The following SHISAL1 variants were observed in gnomAD, a reference collection of about 807,000 sequenced individuals.
SHISAL1 encodes the protein protein shisa-like-1.
A neutral mutation model predicts 22.6 loss-of-function variants in SHISAL1; 9 were observed. That is an observed-to-expected ratio of 0.40 (90% CI 0.24 to 0.70). The LOEUF (loss-of-function observed/expected upper bound fraction) is 0.70, where lower values mean the gene tolerates loss of function less well. Ranked by LOEUF, SHISAL1 falls within the 30% of genes least tolerant of loss-of-function variation. The pLI is 0.39. For synonymous variants in SHISAL1, 119 were observed against 115.4 expected (o/e 1.03, Z -0.20); for missense variants, 246 against 270.6 (o/e 0.91, Z 0.64).
intron 4 of SHISAL1, 134 bp from the exon 5 acceptor site, chr22:44,249,819 T>C: frequency 4.4e-6 from 3 of 685,466 alleles, no homozygotes; most frequent in Non-Finnish European, 8.1e-6. Flanking sequence ...TTGCGAACCA[T>C]GTGACTTTAA....
Position 44,248,140 on chromosome 22 carries a change from C to G in SHISAL1, c.*1545G>C, listed in dbSNP as rs2055019094. 6.6e-6 allele frequency: 1 copy of G among 152,282 alleles called. No individual in the cohort carries two copies. Among genetic ancestry groups the G allele is most frequent in the South Asian group, 2.1e-4 (1 of 4,828 alleles). The allele number at this position is 152,282 out of a possible 1,614,324, so 9.4% of individuals were successfully genotyped here. A position where few individuals can be genotyped will look rare whatever the true frequency, so the allele number is the denominator to read the frequency against. ...CTGGCACTGAGTTCCCGGCAGAGCACTCACTGCCTTCGCCACCTTCCTTCT... is the reference window on the plus strand; with the variant it reads ...CTGGCACTGAGTTCCCGGCAGAGCAGTCACTGCCTTCGCCACCTTCCTTCT... On this transcript the variant is annotated 3_prime_UTR_variant, in exon 5 of 5. Transcript: ENST00000381176.
At chr22:44,308,542 G>A (rs2055495160) in intron 1 of SHISAL1, among the ~76,000 whole-genome samples, 1 of 152,160 alleles carries the variant, frequency 6.6e-6, no homozygotes, top group South Asian at 2.1e-4. Flanking sequence ...ATCCTGGGTG[G>A]CCACCTCTCA....
At chr22:44,279,670 A>G (rs749071017) in intron 4 of SHISAL1, among the ~76,000 whole-genome samples, 21 of 152,172 alleles carry the variant, frequency 1.4e-4, no homozygotes, top group Non-Finnish European at 1.5e-5. Flanking sequence ...GCAGAGGCCA[A>G]TGGATGGAGA....
At chr22:44,266,879 G>T (rs2055167941) in intron 4 of SHISAL1, among the ~76,000 whole-genome samples, 1 of 152,122 alleles carries the variant, frequency 6.6e-6, no homozygotes, top group Admixed American at 6.5e-5. Flanking sequence ...GTGCTTTATA[G>T]GGCGCCACAT....
intron 1 of SHISAL1, among the ~76,000 whole-genome samples, chr22:44,305,920 G>A (rs1489997802): frequency 6.6e-6 from 1 of 152,188 alleles, no homozygotes; most frequent in African/African-American, 2.4e-5. Flanking sequence ...TACTCCCCAC[G>A]CCCCCAAGGC....
intron 4 of SHISAL1, among the ~76,000 whole-genome samples, chr22:44,262,661 C>A (rs1186139541): frequency 6.6e-6 from 1 of 152,218 alleles, no homozygotes; most frequent in East Asian, 1.9e-4. Context: ...ACACGGCCAG[C>A]CCCTCTCGTC....
intron 4 of SHISAL1, among the ~76,000 whole-genome samples, chr22:44,261,761 AACTGTTCCTGTGTGGCC>A (rs1389557319): frequency 2.6e-5 from 4 of 152,226 alleles, no homozygotes. Context: ...GAGTGCAGGA[AACTGTTCCTGTGTGGCC>A]ACTGACTCCT....
chr22:44,269,405 TACAC>T (rs913262607), intron 4 of SHISAL1, among the ~76,000 whole-genome samples: 12 of 133,868 alleles, frequency 9.0e-5, no homozygotes, highest in African/African-American at 2.3e-4. Flanking sequence ...ACCCACACAA[TACAC>T]ACACACACCA....
chr22:44,324,577 T>A, the SHISAL1 span, among the ~76,000 whole-genome samples: 1 of 152,218 alleles, frequency 6.6e-6, no homozygotes, highest in African/African-American at 2.4e-5. Context: ...AAACCCTTTG[T>A]ATGAATTTAT....
At chr22:44,282,556 AG>A (rs1316100627) in intron 4 of SHISAL1, among the ~76,000 whole-genome samples, 1 of 152,214 alleles carries the variant, frequency 6.6e-6, no homozygotes, top group Admixed American at 6.5e-5. Flanking sequence ...GCCCCTGCAC[AG>A]GGAGCCCTGA....
chr22:44,326,143 C>T, the SHISAL1 span, among the ~76,000 whole-genome samples: 24 of 152,000 alleles, frequency 1.6e-4, no homozygotes, highest in Admixed American at 3.3e-4. Context: ...ACAATTCTCC[C>T]GACAAAGGAA....
intron 4 of SHISAL1, among the ~76,000 whole-genome samples, chr22:44,267,637 T>C (rs1332430549): frequency 2.0e-5 from 3 of 152,160 alleles, no homozygotes; most frequent in African/African-American, 7.2e-5. Context: ...ACCATGGCCC[T>C]GCACAGTCAG....
rs11473448 is a variant in SHISAL1, at chr22:44,266,528, A to ATGTGTGTG, written c.*-16851_*-16844dup. 5.9e-3 allele frequency among the ~76,000 whole-genome samples: 642 copies of ATGTGTGTG among 108,362 alleles called. 6 individuals carry two copies. The highest frequency in any genetic ancestry group is 7.5e-3 in the Non-Finnish European group (428 of 56,736). The allele number at this position is 108,362 out of a possible 152,430, so 71.1% of individuals were successfully genotyped here. A position where few individuals can be genotyped will look rare whatever the true frequency, so the allele number is the denominator to read the frequency against. On this transcript the variant is annotated intron_variant, in intron 4 of 4. Coordinates refer to ENST00000381176, the MANE Select transcript of SHISAL1 (RefSeq NM_001099294.2). ...ATGTGTGTGTTGGGGGCTTTGGGGT[A>ATGTGTGTG]TGTGTGTGTGTGTGTGTGTGTGTGT...
At chr22:44,325,945 AC>A in the SHISAL1 span, among the ~76,000 whole-genome samples, 75 of 151,660 alleles carry the variant, frequency 4.9e-4, no homozygotes, top group African/African-American at 1.8e-3. Flanking sequence ...GCCCTCCCTG[AC>A]CCCTCTCAGG....
At chr22:44,292,082 C>G (rs2055356583) in intron 3 of SHISAL1, among the ~76,000 whole-genome samples, 1 of 152,234 alleles carries the variant, frequency 6.6e-6, no homozygotes, top group Non-Finnish European at 1.5e-5. Flanking sequence ...ACAAACCATT[C>G]TGTTCCTCCA....
intron 4 of SHISAL1, among the ~76,000 whole-genome samples, chr22:44,282,261 G>A (rs2055281894): frequency 6.6e-6 from 1 of 152,240 alleles, no homozygotes; most frequent in Admixed American, 6.5e-5. Flanking sequence ...CGCCCACCGT[G>A]GGCCCTCCCG....
chr22:44,257,722 C>T (rs1262053851), intron 4 of SHISAL1, among the ~76,000 whole-genome samples: 1 of 152,234 alleles, frequency 6.6e-6, no homozygotes, highest in Non-Finnish European at 1.5e-5. Context: ...GACTCGCCAC[C>T]GTGCTCAGCA....
chr22:44,270,375 G>T (rs1464806698), intron 4 of SHISAL1, among the ~76,000 whole-genome samples: 2 of 152,186 alleles, frequency 1.3e-5, no homozygotes, highest in African/African-American at 4.8e-5. Context: ...GCCCTGTGGG[G>T]TGACAAGGAC....
At chr22:44,287,899 G>C (rs984671856) in intron 3 of SHISAL1, among the ~76,000 whole-genome samples, 20 of 152,152 alleles carry the variant, frequency 1.3e-4, no homozygotes, top group Non-Finnish European at 2.5e-4. Context: ...TTTTTCTTCG[G>C]TGGTTCCCAT....
Sources: gnomAD v4.1 joint callset for allele counts (sites outside exome capture counted in the v4.1 genomes callset) on GRCh38, gnomAD v4.1.1 for gene constraint, MANE v1.5 for transcripts, NCBI Gene and HGNC (gene_info 2026-07-23, HGNC 2026-07-21) for gene names.